The following BEND3 variants were observed in gnomAD, a reference collection of about 807,000 sequenced individuals.
BEND3 encodes the protein BEN domain containing 3, also known as BEN domain-containing protein 3.
Under a neutral mutation model 60.1 loss-of-function variants are expected in BEND3, and 13 were observed. That is an observed-to-expected ratio of 0.22 (90% CI 0.14 to 0.34). BEND3 has a LOEUF of 0.34. Ranked by LOEUF, BEND3 falls within the 10% of genes least tolerant of loss-of-function variation. BEND3 has a pLI of 1.00. For missense variants in BEND3, 896 were observed against 1,138.1 expected (o/e 0.79, Z 3.06); for synonymous variants, 497 against 491.5 (o/e 1.01, Z -0.15).
intron 3 of BEND3, among the ~76,000 whole-genome samples, chr6:107,090,764 T>C (rs1466652581): frequency 1.3e-5 from 2 of 151,764 alleles, no homozygotes; most frequent in East Asian, 3.9e-4. Context: ...AGGGCAACCA[T>C]TAAAAAAAAG....
intron 3 of BEND3, among the ~76,000 whole-genome samples, chr6:107,078,554 A>G (rs1554233046): frequency 2.2e-3 from 31 of 13,942 alleles, no homozygotes; most frequent in East Asian, 0.011. Flanking sequence ...TCCTGGGTTC[A>G]TGCCATTCTC....
chr6:107,108,402 G>A (rs1775868537), intron 1 of BEND3, among the ~76,000 whole-genome samples: 1 of 152,222 alleles, frequency 6.6e-6, no homozygotes, highest in South Asian at 2.1e-4. Context: ...TTGGCATGCA[G>A]AAGCTGAGGC....
intron 3 of BEND3, among the ~76,000 whole-genome samples, chr6:107,077,082 C>G (rs1554232855): frequency 6.6e-6 from 1 of 152,044 alleles, no homozygotes; most frequent in Non-Finnish European, 1.5e-5. Context: ...TAGGGCAGGT[C>G]TCCCTCTAGA....
chr6:107,084,861 C>T (rs1775308482), intron 3 of BEND3, among the ~76,000 whole-genome samples: 1 of 152,198 alleles, frequency 6.6e-6, no homozygotes. Context: ...TAAAATGGAC[C>T]AATCAGCAGG....
intron 3 of BEND3, among the ~76,000 whole-genome samples, chr6:107,071,876 G>A (rs1230741202): frequency 2.6e-5 from 4 of 152,196 alleles, no homozygotes; most frequent in African/African-American, 7.2e-5. Flanking sequence ...GGGAGAATTC[G>A]ATGGGACACA....
chr6:107,070,897 A>G lies in BEND3; in HGVS notation c.294T>C (p.Asn98=). ...NRENSSPCQG[N]GEQAGRGRSL... ...TCCTGCCCCTGCCGGCCTGCTCACCATTGCCTTGGCAGGGCGAGCTGTTCT... is the reference window on the plus strand; with the variant it reads ...TCCTGCCCCTGCCGGCCTGCTCACCGTTGCCTTGGCAGGGCGAGCTGTTCT... Residue 98 remains asparagine (N), a synonymous_variant, in exon 4 of 4, where the codon AAT becomes AAC. Coordinates refer to ENST00000369042, the MANE Select transcript of BEND3 (RefSeq NM_001367314.1). This position sits in a 1 kb window ranked among gnomAD's most constrained non-coding sequence, Gnocchi z 6.9. 1 of 1,613,680 alleles carries G rather than the reference A, an allele frequency of 6.2e-7. No homozygotes were observed. Among genetic ancestry groups the G allele is most frequent in the Non-Finnish European group, 8.5e-7 (1 of 1,179,928 alleles).
chr6:107,112,752 C>T (rs1378715527), intron 1 of BEND3, among the ~76,000 whole-genome samples: 2 of 151,260 alleles, frequency 1.3e-5, no homozygotes, highest in Non-Finnish European at 2.9e-5. Flanking sequence ...ACTTGGGAGG[C>T]TGAGGCAGGA....
intron 1 of BEND3, among the ~76,000 whole-genome samples, chr6:107,107,555 T>C (rs1439091952): frequency 6.6e-6 from 1 of 152,012 alleles, no homozygotes; most frequent in Non-Finnish European, 1.5e-5. Context: ...CTTTGCCTCC[T>C]GGGTTCAAGC....
At chr6:107,105,832 CAG>C (rs1407343779) in intron 1 of BEND3, among the ~76,000 whole-genome samples, 1 of 152,210 alleles carries the variant, frequency 6.6e-6, no homozygotes, top group African/African-American at 2.4e-5. Context: ...TCATGCCACT[CAG>C]GGGCAAATCC....
At chr6:107,079,727 C>A (rs1775184316) in intron 3 of BEND3, among the ~76,000 whole-genome samples, 1 of 152,182 alleles carries the variant, frequency 6.6e-6, no homozygotes. Context: ...ACCCCAGTAA[C>A]AAGGCTGCCC....
intron 1 of BEND3, among the ~76,000 whole-genome samples, chr6:107,100,948 T>C (rs1217203300): frequency 6.6e-6 from 1 of 152,130 alleles, no homozygotes; most frequent in Non-Finnish European, 1.5e-5. Flanking sequence ...GTGCCTGTAA[T>C]CCCAGCACTT....
intron 2 of BEND3, among the ~76,000 whole-genome samples, chr6:107,098,996 G>T (rs531451487): frequency 3.9e-5 from 6 of 152,064 alleles, no homozygotes; most frequent in African/African-American, 1.4e-4. Flanking sequence ...ATCTTTTTTT[G>T]GGGGGGAAGA....
intron 1 of BEND3, among the ~76,000 whole-genome samples, chr6:107,111,976 C>A (rs1211884344): frequency 1.0e-4 from 13 of 126,292 alleles, no homozygotes; most frequent in African/African-American, 2.6e-4. Flanking sequence ...AGTGAGACTC[C>A]GTTTCAAAAA....
intron 3 of BEND3, among the ~76,000 whole-genome samples, chr6:107,096,507 G>A (rs1044478173): frequency 4.6e-5 from 7 of 152,170 alleles, no homozygotes; most frequent in Admixed American, 6.5e-5. Flanking sequence ...AGCTACTCGG[G>A]AGGATGAGGC....
chr6:107,110,342 G>A (rs372494383), intron 1 of BEND3, among the ~76,000 whole-genome samples: 2 of 152,198 alleles, frequency 1.3e-5, no homozygotes, highest in African/African-American at 4.8e-5. Flanking sequence ...GCTGATACTG[G>A]CATGGAGAGC....
At chr6:107,108,862 G>A (rs993676825) in intron 1 of BEND3, among the ~76,000 whole-genome samples, 1 of 152,178 alleles carries the variant, frequency 6.6e-6, no homozygotes, top group Non-Finnish European at 1.5e-5. Flanking sequence ...ATGGAGTGCA[G>A]TGGTGCGACC....
intron 3 of BEND3, among the ~76,000 whole-genome samples, chr6:107,078,665 T>C (rs1488905893): frequency 4.6e-5 from 7 of 151,024 alleles, no homozygotes. Flanking sequence ...TGCCCCATGC[T>C]GCGTCCTCAT....
chr6:107,074,288 G>A (rs1255632271), intron 3 of BEND3, among the ~76,000 whole-genome samples: 2 of 152,120 alleles, frequency 1.3e-5, no homozygotes, highest in African/African-American at 4.8e-5. Flanking sequence ...GGTGGCGCGT[G>A]CTTGTAATCC....
At chr6:107,107,404 A>T (rs311210) in intron 1 of BEND3, among the ~76,000 whole-genome samples, 128,185 of 151,916 alleles carry the variant, frequency 0.84, 54,329 homozygotes, top group African/African-American at 0.92. Context: ...TAGCACTCAA[A>T]GTTACCTATT....
Sources: gnomAD v4.1 joint callset for allele counts (sites outside exome capture counted in the v4.1 genomes callset) on GRCh38, gnomAD v4.1.1 for gene constraint, Gnocchi (gnomAD v3.1) non-coding constraint, MANE v1.5 for transcripts, NCBI Gene and HGNC (gene_info 2026-07-23, HGNC 2026-07-21) for gene names.